Variants in CHST3 observed in about 807,000 individuals in gnomAD.
CHST3 encodes C6ST-1.
In CHST3, 20 loss-of-function variants were observed where a neutral mutation model predicts 35.4. The ratio of observed to expected loss-of-function variants is 0.57; its 90% CI spans 0.40 to 0.82. CHST3 has a LOEUF of 0.82. Among genes scored for constraint, CHST3 ranks in the 40% least tolerant of loss-of-function variants. CHST3 has a pLI of 0.00. For missense variants in CHST3, 693 were observed against 670.1 expected (o/e 1.03, Z -0.38); for synonymous variants, 334 against 295.9 (o/e 1.13, Z -1.32).
At chr10:71,975,640 G>A (rs926969455) in intron 1 of CHST3, among the ~76,000 whole-genome samples, 1 of 152,228 alleles carries the variant, frequency 6.6e-6, no homozygotes, top group Non-Finnish European at 1.5e-5. Flanking sequence ...GGAGCACGGG[G>A]GCTCAGGGGG....
At position 71,997,869 on chromosome 10, in the gene CHST3, T is replaced by C. The variant is rs183497333; in HGVS notation, c.-107-7867T>C. On this transcript the variant is annotated intron_variant, in intron 1 of 2. Coordinates refer to ENST00000373115, the MANE Select transcript of CHST3 (RefSeq NM_004273.5). ...TTTTAGTAGAGACGGGGTTTCACCA[T>C]GTTGGCCAGGCTGGTCTTGAACTCC... Among the ~76,000 whole-genome samples the C allele has an allele frequency of 9.1e-4, 138 of 152,196 alleles. 2 individuals carry two copies. Among genetic ancestry groups the C allele is most frequent in the African/African-American group, 3.2e-3 (132 of 41,542 alleles).
At chr10:71,970,161 C>G (rs1839676791) in intron 1 of CHST3, among the ~76,000 whole-genome samples, 1 of 152,142 alleles carries the variant, frequency 6.6e-6, no homozygotes. Context: ...GCTGGGCCGC[C>G]ACCAGCTTGG....
chr10:71,997,131 G>C (rs1375937388), intron 1 of CHST3, among the ~76,000 whole-genome samples: 1 of 151,886 alleles, frequency 6.6e-6, no homozygotes, highest in South Asian at 2.1e-4. Context: ...TCACACTGTT[G>C]GGTAACCCTC....
intron 1 of CHST3, among the ~76,000 whole-genome samples, chr10:71,966,088 C>T (rs1229890046): frequency 2.0e-5 from 3 of 152,060 alleles, no homozygotes; most frequent in Admixed American, 2.0e-4. Context: ...TTCCATCAAC[C>T]CTCCCATCTC....
intron 1 of CHST3, among the ~76,000 whole-genome samples, chr10:71,969,198 T>C (rs1396520510): frequency 6.6e-6 from 1 of 152,208 alleles, no homozygotes; most frequent in Non-Finnish European, 1.5e-5. Context: ...CACGCTCATC[T>C]GGTCCCCAGC....
chr10:71,978,805 G>A (rs1839771874), intron 1 of CHST3, among the ~76,000 whole-genome samples: 1 of 152,204 alleles, frequency 6.6e-6, no homozygotes, highest in Non-Finnish European at 1.5e-5. Flanking sequence ...TCTCTGTTGA[G>A]CCTTTGGAAA....
chr10:72,008,376 C>T lies in CHST3; in HGVS notation c.1345C>T (p.Arg449Cys). Residue 449 changes from arginine to cysteine, a missense_variant, in exon 3 of 3, where the codon CGC (arginine) becomes TGC (cysteine). Coordinates refer to ENST00000373115, the MANE Select transcript of CHST3 (RefSeq NM_004273.5). Reference protein sequence around the residue: ...VVQAACGPAMRLFGYKLARDA... With the variant: ...VVQAACGPAMCLFGYKLARDA... ...GCAGGCCGCCTGCGGCCCTGCCATG[C>T]GCCTCTTCGGCTACAAACTGGCGCG... is the stretch of plus-strand genomic sequence containing the variant. The T allele has an allele frequency of 6.4e-7, 1 of 1,567,658 alleles. No homozygotes were observed. Among genetic ancestry groups the T allele is most frequent in the Non-Finnish European group, 8.6e-7 (1 of 1,157,072 alleles).
At chr10:71,987,317 T>A (rs1839857910) in intron 1 of CHST3, among the ~76,000 whole-genome samples, 2 of 151,606 alleles carry the variant, frequency 1.3e-5, no homozygotes, top group Non-Finnish European at 2.9e-5. Context: ...AGGCTGGAGT[T>A]CCTCCTTTCA....
At chr10:71,998,389 C>G (rs568991468) in intron 1 of CHST3, among the ~76,000 whole-genome samples, 1 of 152,342 alleles carries the variant, frequency 6.6e-6, no homozygotes, top group Admixed American at 6.5e-5. Context: ...AGACTCCTCC[C>G]GGGGCTGCCC....
At chr10:71,974,939 G>A (rs896538702) in intron 1 of CHST3, among the ~76,000 whole-genome samples, 83 of 152,200 alleles carry the variant, frequency 5.5e-4, no homozygotes, top group African/African-American at 1.6e-3. Flanking sequence ...TGGGCATGAA[G>A]AGCTTCCAGA....
chr10:71,988,778 C>T (rs549997792), intron 1 of CHST3, among the ~76,000 whole-genome samples: 98 of 152,258 alleles, frequency 6.4e-4, no homozygotes, highest in African/African-American at 2.2e-3. Flanking sequence ...TGTTCTTTCC[C>T]ACAGAAAACA....
intron 1 of CHST3, among the ~76,000 whole-genome samples, chr10:72,003,341 C>T (rs1564530917): frequency 6.6e-6 from 1 of 152,088 alleles, no homozygotes; most frequent in Non-Finnish European, 1.5e-5. Flanking sequence ...AAAATATTAA[C>T]TTAATAAGTT....
rs981969686 is a variant in CHST3, at chr10:72,007,649, C to T, written c.618C>T (p.Phe206=). ...FLCDLYVLEH[F]ITPLPEDHLT... is the part of the protein sequence containing the mutation. ...GCGACCTGTACGTGCTGGAGCACTT[C>T]ATCACGCCGCTGCCCGAGGACCACC... The change falls in exon 3 of 3, where the codon TTC becomes TTT. Residue 206 remains phenylalanine, a synonymous_variant. Coordinates refer to ENST00000373115, the MANE Select transcript of CHST3 (RefSeq NM_004273.5). 32 of 1,609,504 alleles carry T rather than the reference C, an allele frequency of 2.0e-5. No individual in the cohort carries two copies. Among genetic ancestry groups the T allele is most frequent in the Non-Finnish European group, 2.3e-5 (27 of 1,179,450 alleles).
intron 1 of CHST3, among the ~76,000 whole-genome samples, chr10:71,991,651 G>A (rs1053321146): frequency 2.0e-5 from 3 of 151,980 alleles, no homozygotes; most frequent in African/African-American, 4.8e-5. Flanking sequence ...ACATTTACAC[G>A]GCCGGGTGCA....
intron 1 of CHST3, among the ~76,000 whole-genome samples, chr10:71,966,913 A>G (rs1480369967): frequency 6.6e-6 from 1 of 152,208 alleles, no homozygotes; most frequent in African/African-American, 2.4e-5. Flanking sequence ...AGGTACGTAT[A>G]CAGGTTTGTT....
chr10:71,977,955 T>C (rs1208968286), intron 1 of CHST3, among the ~76,000 whole-genome samples: 1 of 152,186 alleles, frequency 6.6e-6, no homozygotes. Flanking sequence ...GTGAAGTCCA[T>C]GAAGCATTCA....
intron 1 of CHST3, among the ~76,000 whole-genome samples, chr10:71,967,102 A>C (rs1007506680): frequency 6.6e-6 from 1 of 152,168 alleles, no homozygotes; most frequent in African/African-American, 2.4e-5. Flanking sequence ...TCCTGGACTC[A>C]GGTGATCCTC....
intron 1 of CHST3, among the ~76,000 whole-genome samples, chr10:71,973,439 C>T (rs1047460813): frequency 1.3e-5 from 2 of 152,206 alleles, no homozygotes; most frequent in African/African-American, 2.4e-5. Context: ...CTGCAAGTAA[C>T]GAGGCCTGCC....
chr10:71,965,116 C>A (rs962535933), intron 1 of CHST3, among the ~76,000 whole-genome samples: 33 of 152,342 alleles, frequency 2.2e-4, no homozygotes, highest in Admixed American at 1.9e-3. Flanking sequence ...GCCCCCAAAG[C>A]GCAGCGGGCA....
Sources: gnomAD v4.1 joint callset for allele counts (sites outside exome capture counted in the v4.1 genomes callset) on GRCh38, gnomAD v4.1.1 for gene constraint, MANE v1.5 for transcripts, NCBI Gene and HGNC (gene_info 2026-07-23, HGNC 2026-07-21) for gene names.